CACNA2D3: variants seen among roughly 807,000 people sequenced by gnomAD.
The protein encoded by CACNA2D3 is voltage-dependent calcium channel subunit alpha-2/delta-3.
CACNA2D3 carries 60 observed loss-of-function variants against 160.6 expected under a neutral mutation model. The ratio of observed to expected loss-of-function variants is 0.37; its 90% confidence interval spans 0.30 to 0.46. The LOEUF (loss-of-function observed/expected upper bound fraction) is 0.46. Ranked by LOEUF, CACNA2D3 falls within the 20% of genes least tolerant of loss-of-function variation. The pLI is 1.00. For synonymous variants in CACNA2D3, 558 were observed against 492.9 expected (o/e 1.13, Z -1.75); for missense variants, 1,205 against 1,365.0 (o/e 0.88, Z 1.85).
In CACNA2D3 at chr3:54,918,322, T is replaced by TTTTTTTTTTC; in HGVS notation, c.2449+18464_2449+18473dup. ...CAGAAATATTTTTTACAGACACATCTTTTTTTTTTCTTTTTTTTTTTTTTT... is the reference window on the plus strand; with the variant it reads ...CAGAAATATTTTTTACAGACACATCTTTTTTTTTTCTTTTTTTTTCTTTTTTTTTTTTTTT... On this transcript the variant is annotated intron_variant, in intron 27 of 37. Coordinates refer to ENST00000474759, the MANE Select transcript of CACNA2D3 (RefSeq NM_018398.3). The TTTTTTTTTTC allele has an allele frequency of 2.1e-5, 4 of 187,326 alleles. 1 individual carries two copies. The highest frequency in any genetic ancestry group is 9.1e-5 in the South Asian group (1 of 10,960). The allele number at this position is 187,326 out of a possible 1,614,324, so 11.6% of individuals were successfully genotyped here. A position where few individuals can be genotyped will look rare whatever the true frequency, so the allele number is the denominator to read the frequency against.
At chr3:54,932,509 G>A (rs115833508) in intron 27 of CACNA2D3, among the ~76,000 whole-genome samples, 4,279 of 152,222 alleles carry the variant, frequency 0.028, 86 homozygotes, top group Non-Finnish European at 0.041. Context: ...AAATTAAGAA[G>A]CAAGTAAAGG....
At chr3:54,996,030 A>G (rs1014898925) in intron 31 of CACNA2D3, among the ~76,000 whole-genome samples, 2 of 152,232 alleles carry the variant, frequency 1.3e-5, no homozygotes, top group African/African-American at 2.4e-5. Flanking sequence ...GGAACATTCA[A>G]TAACACCTGT....
chr3:54,273,786 C>G (rs1702674903), intron 2 of CACNA2D3, among the ~76,000 whole-genome samples: 1 of 152,146 alleles, frequency 6.6e-6, no homozygotes, highest in Non-Finnish European at 1.5e-5. Context: ...CCAGGTGTTT[C>G]TTTCATAATG....
At chr3:54,425,851 A>T (rs1200467448) in intron 4 of CACNA2D3, among the ~76,000 whole-genome samples, 1 of 152,198 alleles carries the variant, frequency 6.6e-6, no homozygotes, top group Admixed American at 6.5e-5. Context: ...AAGCTTTTGG[A>T]GGTCTGGCTC....
At chr3:54,880,720 A>C in intron 20 of CACNA2D3, 76 bp from the exon 21 acceptor site, 7 of 1,266,796 alleles carry the variant, frequency 5.5e-6, no homozygotes, top group Non-Finnish European at 8.0e-6. Flanking sequence ...AAAATGGAAA[A>C]TTAAAAAATG....
intron 3 of CACNA2D3, among the ~76,000 whole-genome samples, chr3:54,360,652 G>A (rs1399381501): frequency 1.3e-5 from 2 of 152,192 alleles, no homozygotes; most frequent in African/African-American, 2.4e-5. Flanking sequence ...TCTGTGCTCA[G>A]TTTCCTCTAG....
intron 9 of CACNA2D3, among the ~76,000 whole-genome samples, chr3:54,598,914 T>G (rs1380544946): frequency 6.6e-6 from 1 of 152,312 alleles, no homozygotes; most frequent in South Asian, 2.1e-4. Context: ...AAACACCGTT[T>G]GTGATGCTCT....
intron 4 of CACNA2D3, among the ~76,000 whole-genome samples, chr3:54,448,659 T>C (rs781039004): frequency 1.2e-4 from 19 of 152,218 alleles, no homozygotes; most frequent in Non-Finnish European, 2.6e-4. Context: ...ATTAGTGTCC[T>C]ATTGTCTCCA....
intron 5 of CACNA2D3, among the ~76,000 whole-genome samples, chr3:54,531,926 C>G (rs1368803220): frequency 6.6e-6 from 1 of 152,228 alleles, no homozygotes; most frequent in African/African-American, 2.4e-5. Flanking sequence ...CTGGAGCAAG[C>G]AGAGCAGTTG....
At chr3:54,686,737 A>G (rs1700455375) in intron 11 of CACNA2D3, among the ~76,000 whole-genome samples, 1 of 152,160 alleles carries the variant, frequency 6.6e-6, no homozygotes, top group Non-Finnish European at 1.5e-5. Context: ...CCTTTTAGTG[A>G]TGTCATAGCT....
intron 3 of CACNA2D3, among the ~76,000 whole-genome samples, chr3:54,351,653 C>T (rs1698567281): frequency 6.6e-6 from 1 of 152,330 alleles, no homozygotes; most frequent in South Asian, 2.1e-4. Flanking sequence ...TCTTTAAACT[C>T]ACTGCACCAC....
In CACNA2D3 at chr3:54,541,799, G is replaced by A. The variant is rs80206342; in HGVS notation, c.545-21001G>A. Among the ~76,000 whole-genome samples, 654 of 152,274 alleles carry A rather than the reference G, an allele frequency of 4.3e-3. 3 individuals are homozygous for A. Among genetic ancestry groups the A allele is most frequent in the African/African-American group, 0.015 (611 of 41,544 alleles). On this transcript the variant is annotated intron_variant, in intron 5 of 37. Transcript: ENST00000474759. Reference sequence around the variant, plus strand: ...AATGTGTAGTCCTGGATTGAAGCTAGGCCCAGACAAGGACATTGATGAAAT... The same window carrying A: ...AATGTGTAGTCCTGGATTGAAGCTAAGCCCAGACAAGGACATTGATGAAAT...
At chr3:54,405,047 A>G (rs1403583479) in intron 4 of CACNA2D3, among the ~76,000 whole-genome samples, 1 of 151,938 alleles carries the variant, frequency 6.6e-6, no homozygotes, top group Non-Finnish European at 1.5e-5. Flanking sequence ...ATGCTCATGA[A>G]TTGGAAGAAT....
chr3:54,926,517 C>T (rs1266638535), intron 27 of CACNA2D3, among the ~76,000 whole-genome samples: 2 of 121,056 alleles, frequency 1.7e-5, no homozygotes, highest in African/African-American at 8.2e-5. Flanking sequence ...CACACACACA[C>T]ACACACACAC....
chr3:54,974,653 C>T (rs995315284), intron 29 of CACNA2D3, among the ~76,000 whole-genome samples: 1 of 152,244 alleles, frequency 6.6e-6, no homozygotes, highest in South Asian at 2.1e-4. Context: ...CGAATAGTTG[C>T]AGGAAGATGC....
At chr3:54,534,349 C>T (rs1245683596) in intron 5 of CACNA2D3, among the ~76,000 whole-genome samples, 1 of 152,074 alleles carries the variant, frequency 6.6e-6, no homozygotes, top group Admixed American at 6.5e-5. Flanking sequence ...CATCAGATTG[C>T]ATCACATCTC....
At chr3:54,280,720 A>G (rs1033859843) in intron 2 of CACNA2D3, among the ~76,000 whole-genome samples, 4 of 151,970 alleles carry the variant, frequency 2.6e-5, no homozygotes, top group African/African-American at 4.8e-5. Context: ...GTGCCCTTTG[A>G]TCTCTTGCCT....
chr3:54,857,411 C>T (rs762549619), intron 17 of CACNA2D3, among the ~76,000 whole-genome samples: 2 of 152,154 alleles, frequency 1.3e-5, no homozygotes, highest in African/African-American at 2.4e-5. Flanking sequence ...GTAGTCATCT[C>T]TTCTCAGGCA....
intron 27 of CACNA2D3, among the ~76,000 whole-genome samples, chr3:54,900,119 G>A (rs1172844957): frequency 6.6e-6 from 1 of 152,208 alleles, no homozygotes; most frequent in Non-Finnish European, 1.5e-5. Context: ...GTAAGAAATT[G>A]TCAGTACTTG....
Sources: gnomAD v4.1 joint callset for allele counts (sites outside exome capture counted in the v4.1 genomes callset) on GRCh38, gnomAD v4.1.1 for gene constraint, MANE v1.5 for transcripts, NCBI Gene and HGNC (gene_info 2026-07-23, HGNC 2026-07-21) for gene names.